ZZEF1: variants seen among roughly 807,000 people sequenced by gnomAD.
ZZEF1 encodes the protein zinc finger ZZ-type and EF-hand domain containing 1.
A neutral mutation model predicts 342.8 loss-of-function variants in ZZEF1; 157 were observed. That is an observed-to-expected ratio of 0.46 (90% CI 0.40 to 0.52). The LOEUF is 0.52. Ranked by LOEUF, ZZEF1 falls within the 20% of genes least tolerant of loss-of-function variation. ZZEF1 has a pLI of 0.00. For synonymous variants in ZZEF1, 1,505 were observed against 1,429.1 expected (o/e 1.05, Z -1.20); for missense variants, 3,480 against 3,725.6 (o/e 0.93, Z 1.72).
At chr17:4,140,848 A>G (rs2058832190) in intron 1 of ZZEF1, among the ~76,000 whole-genome samples, 1 of 151,648 alleles carries the variant, frequency 6.6e-6, no homozygotes, top group Non-Finnish European at 1.5e-5. Context: ...GATACTAGAA[A>G]GAAGGTACTA....
intron 29 of ZZEF1, among the ~76,000 whole-genome samples, chr17:4,063,467 G>T (rs1363346111): frequency 6.6e-6 from 1 of 152,120 alleles, no homozygotes; most frequent in Non-Finnish European, 1.5e-5. Context: ...TTTATAAGTG[G>T]CAGCTACCCA....
intron 12 of ZZEF1, among the ~76,000 whole-genome samples, chr17:4,089,666 C>A (rs1311578180): frequency 7.5e-6 from 1 of 133,576 alleles, no homozygotes; most frequent in Non-Finnish European, 1.6e-5. Context: ...ATTCTCTCAG[C>A]CTGAGGCGCC....
chr17:4,075,339 C>T lies in ZZEF1; in HGVS notation c.3325G>A (p.Glu1109Lys). The T allele has an allele frequency of 6.2e-7, 1 of 1,614,244 alleles. No individual in the cohort carries two copies. The highest frequency in any genetic ancestry group is 8.5e-7 in the Non-Finnish European group (1 of 1,180,054). ...CCTGGGCTAACAAAGACGGATACCT[C>T]ATGGCAATTATTTTCATAGTTGTGG... ...SAHNYENNCH[E>K]VSVFVSPGAT... The change falls in exon 22 of 55, where the codon GAG becomes AAG. Residue 1109 changes from glutamate to lysine, a missense_variant. Around this residue, in one of 5 missense-constraint regions of ZZEF1, gnomAD observed 1,528 missense variants for 1,624.1 expected, o/e 0.94. Coordinates refer to ENST00000381638, the MANE Select transcript of ZZEF1 (RefSeq NM_015113.4).
At chr17:4,120,603 T>C (rs1225789730) in intron 2 of ZZEF1, among the ~76,000 whole-genome samples, 1 of 152,170 alleles carries the variant, frequency 6.6e-6, no homozygotes, top group African/African-American at 2.4e-5. Context: ...CTGAGCTTCA[T>C]ATTTAGGATA....
At position 4,140,625 on chromosome 17, in the gene ZZEF1, G is replaced by A. The variant is rs138833572; in HGVS notation, c.354+1917C>T. ...AGTGAACAATAATGCCACAACCCCT[G>A]AGTGATTTCTGGACCACACCTCAAG... On this transcript the variant is annotated intron_variant, in intron 1 of 54. Coordinates refer to ENST00000381638, the MANE Select transcript of ZZEF1 (RefSeq NM_015113.4). 5.3e-3 allele frequency among the ~76,000 whole-genome samples: 805 copies of A among 152,280 alleles called. 6 individuals carry two copies. Among genetic ancestry groups the A allele is most frequent in the African/African-American group, 0.018 (759 of 41,544 alleles).
In ZZEF1 at chr17:4,017,811, T is replaced by C. The variant is rs757944546; in HGVS notation, c.7641+25A>G. ...GGGTGGGGGATGGGGTGCAGATACT[T>C]TGGGTCCGAGGTCGGGTGACATACC... On this transcript the variant is annotated intron_variant, in intron 47 of 54. Coordinates refer to ENST00000381638, the MANE Select transcript of ZZEF1 (RefSeq NM_015113.4). The surrounding 1 kb of genome is among the most constrained non-coding windows in gnomAD (Gnocchi z 5.1). 2 of 1,614,002 alleles carry C rather than the reference T, an allele frequency of 1.2e-6. No individual in the cohort carries two copies. Among genetic ancestry groups the C allele is most frequent in the Non-Finnish European group, 1.7e-6 (2 of 1,180,038 alleles).
At chr17:4,081,194 G>GC (rs2057716635) in intron 18 of ZZEF1, among the ~76,000 whole-genome samples, 182 bp downstream of exon 18, 1 of 152,088 alleles carries the variant, frequency 6.6e-6, no homozygotes, top group African/African-American at 2.4e-5. Flanking sequence ...CTGTGATTGT[G>GC]CCACTGCACC....
At position 4,032,955 on chromosome 17, in the gene ZZEF1, G is replaced by A. The variant is rs147081617; in HGVS notation, c.6632C>T (p.Ser2211Leu). 6 of 1,606,404 alleles carry A rather than the reference G, an allele frequency of 3.7e-6. No individual in the cohort carries two copies. In the African/African-American group the frequency reaches 4.0e-5, roughly 11 times the overall value. Residue 2211 changes from serine (S) to leucine (L), a missense_variant, in exon 41 of 55, where the codon TCA becomes TTA. By Grantham distance (145) the Ser-to-Leu change is moderately radical. Coordinates refer to ENST00000381638, the MANE Select transcript of ZZEF1 (RefSeq NM_015113.4). ...WACSMAEILR[S>L]LNSAPLWRDV... ...ACGCCACAGTGGGGCACTGTTGAGT[G>A]ACCGCAGGATCTCTGCCATGGAGCA...
chr17:4,106,646 C>T (rs1597901127), intron 6 of ZZEF1, among the ~76,000 whole-genome samples: 1 of 152,056 alleles, frequency 6.6e-6, no homozygotes, highest in African/African-American at 2.4e-5. Context: ...TAGTGTTTCC[C>T]TTTTCTTGTC....
At chr17:4,096,456 T>C (rs2058034829) in intron 10 of ZZEF1, among the ~76,000 whole-genome samples, 153 bp downstream of exon 10, 1 of 152,196 alleles carries the variant, frequency 6.6e-6, no homozygotes, top group Admixed American at 6.5e-5. Flanking sequence ...AGGGGATGAA[T>C]AGCTCATCCT....
At chr17:4,058,613 G>T (rs1253233644) in intron 31 of ZZEF1, among the ~76,000 whole-genome samples, 4 of 152,190 alleles carry the variant, frequency 2.6e-5, no homozygotes, top group African/African-American at 4.8e-5. Context: ...GGTGGCTCAT[G>T]ACTGTAATTC....
intron 39 of ZZEF1, among the ~76,000 whole-genome samples, chr17:4,041,475 G>A (rs1048943468): frequency 2.0e-5 from 3 of 151,868 alleles, no homozygotes; most frequent in Non-Finnish European, 2.9e-5. Context: ...CTTGGGTCCC[G>A]CGGGCACCGT....
At chr17:4,091,523 T>C (rs1027365532) in intron 11 of ZZEF1, among the ~76,000 whole-genome samples, 1 of 152,230 alleles carries the variant, frequency 6.6e-6, no homozygotes, top group Non-Finnish European at 1.5e-5. Context: ...GGCTCACACC[T>C]ATAAGCACTT....
Position 4,117,099 on chromosome 17 carries a change from G to A in ZZEF1, c.567C>T (p.Phe189=), listed in dbSNP as rs2058407843. 3.1e-6 allele frequency: 5 copies of A among 1,614,072 alleles called. No individual in the cohort carries two copies. In the Admixed American group the frequency reaches 8.3e-5, roughly 27 times the overall value. Residue 189 remains phenylalanine (F), a synonymous_variant, in exon 3 of 55, where the codon TTC becomes TTT. Transcript: ENST00000381638. ...LDIHSSMILR[F]LHRNRLSSAV... ...CGCTGGAGAGCCGATTGCGGTGCAG[G>A]AAGCGCAGTATCATTGACGAGTGAA...
At chr17:4,074,380 G>A (rs766285788) in intron 23 of ZZEF1, 29 bp from the exon 24 acceptor site, 4 of 1,611,342 alleles carry the variant, frequency 2.5e-6, no homozygotes, top group East Asian at 2.2e-5. Context: ...CATGTGGTCA[G>A]ACAGATTAGA....
intron 8 of ZZEF1, among the ~76,000 whole-genome samples, chr17:4,103,027 T>C: frequency 6.6e-6 from 1 of 152,154 alleles, no homozygotes; most frequent in East Asian, 1.9e-4. Flanking sequence ...ACCCCATTCC[T>C]TCCTATCCAC....
At chr17:4,089,500 CA>C (rs947704927) in intron 12 of ZZEF1, among the ~76,000 whole-genome samples, 7 of 152,234 alleles carry the variant, frequency 4.6e-5, no homozygotes, top group Non-Finnish European at 1.0e-4. Flanking sequence ...GATTTACATC[CA>C]AGGTTTAGCA....
Position 4,076,684 on chromosome 17 carries a change from C to T in ZZEF1, c.3187G>A (p.Glu1063Lys). The T allele has an allele frequency of 6.2e-7, 1 of 1,613,310 alleles. No individual in the cohort carries two copies. Among genetic ancestry groups the T allele is most frequent in the Non-Finnish European group, 8.5e-7 (1 of 1,179,388 alleles). ...CCACTACAGAGCTTCTTCAGGAGTT[C>T]TGTGAGGACGCTGAACTCTCTCAAG... ...VLLREFSVLT[E>K]LLKKLCSGPE... is the part of the protein sequence containing the mutation. The change falls in exon 21 of 55, where the codon GAA (glutamate) becomes AAA (lysine). Residue 1063 changes from glutamate (E) to lysine (K), a missense_variant. This residue lies in a region of ZZEF1 where 1,528 missense variants were observed against 1,624.1 expected (regional missense o/e 0.94). Transcript: ENST00000381638.
At chr17:4,007,241 ACT>A (rs1185200168) in intron 54 of ZZEF1, among the ~76,000 whole-genome samples, 9 of 152,304 alleles carry the variant, frequency 5.9e-5, no homozygotes, top group East Asian at 1.9e-4. Flanking sequence ...GTCTGGGAAA[ACT>A]CTCTGGGGAA....
Sources: gnomAD v4.1 joint callset for allele counts (sites outside exome capture counted in the v4.1 genomes callset) on GRCh38, gnomAD v4.1.1 for gene constraint, gnomAD v4.1.1 regional missense constraint, Gnocchi (gnomAD v3.1) non-coding constraint, MANE v1.5 for transcripts, NCBI Gene and HGNC (gene_info 2026-07-23, HGNC 2026-07-21) for gene names.